Variants in KCP observed in about 807,000 individuals in gnomAD.
The protein encoded by KCP is kielin/chordin-like protein.
KCP carries 194 observed loss-of-function variants against 212.7 expected under a neutral mutation model. The observed-to-expected ratio is 0.91, with a 90% CI of 0.81 to 1.03. The LOEUF (loss-of-function observed/expected upper bound fraction) is 1.03. Ranked by LOEUF, KCP falls within the 50% of genes least tolerant of loss-of-function variation. The pLI, the probability that KCP is intolerant of heterozygous loss-of-function variation, is 0.00. For missense variants in KCP, 2,080 were observed against 2,162.5 expected (o/e 0.96, Z 0.76); for synonymous variants, 833 against 865.3 (o/e 0.96, Z 0.65).
chr7:128,889,248 TA>T (rs1793935802), intron 21 of KCP, among the ~76,000 whole-genome samples: 1 of 152,116 alleles, frequency 6.6e-6, no homozygotes, highest in East Asian at 1.9e-4. Context: ...TTCTCCCCTT[TA>T]TCCTGCAAAA....
chr7:128,907,457 G>A lies in KCP; in HGVS notation c.220-4C>T, dbSNP rs758400383. ...CCCTCGTCTGCAGGTCCTTATTCTG[G>A]AGGAAGGAGATGGAATAGCAGGCAC... On this transcript the variant is annotated splice_region_variant and splice_polypyrimidine_tract_variant and intron_variant, in intron 2 of 39. Coordinates refer to ENST00000610776, the MANE Select transcript of KCP (RefSeq NM_001366122.1). 1 of 1,471,798 alleles carries A rather than the reference G, an allele frequency of 6.8e-7. No individual in the cohort carries two copies. Among genetic ancestry groups the A allele is most frequent in the Non-Finnish European group, 9.1e-7 (1 of 1,102,292 alleles). 91.2% of individuals were successfully genotyped at this position (1,471,798 alleles called of 1,614,324 possible). A position where few individuals can be genotyped will look rare whatever the true frequency, so the allele number is the denominator to read the frequency against.
intron 34 of KCP, 56 bp downstream of exon 34, chr7:128,880,330 C>A (rs769462758): frequency 6.8e-7 from 1 of 1,465,154 alleles, no homozygotes; most frequent in Middle Eastern, 2.1e-4. Flanking sequence ...ACCAGGATGG[C>A]GGTACCATGT....
chr7:128,889,998 G>A (rs373996127), intron 21 of KCP: 4 of 232,790 alleles, frequency 1.7e-5, no homozygotes, highest in South Asian at 1.2e-4. Flanking sequence ...GTGAAAACAC[G>A]GTTCACTGTA....
At chr7:128,904,679 T>C (rs80140779) in intron 5 of KCP, among the ~76,000 whole-genome samples, 3,791 of 152,266 alleles carry the variant, frequency 0.025, 72 homozygotes, top group African/African-American at 0.051. Context: ...CTGGATGCCA[T>C]GTTTCCCCAA....
Position 128,887,254 on chromosome 7 carries a change from A to G in KCP, c.2559T>C (p.Pro853=), listed in dbSNP as rs1189314430. 1 of 1,551,330 alleles carries G rather than the reference A, an allele frequency of 6.4e-7. No individual in the cohort carries two copies. Among genetic ancestry groups the G allele is most frequent in the East Asian group, 2.4e-5 (1 of 40,930 alleles). The change falls in exon 23 of 40, where the codon CCT becomes CCC. Residue 853 remains proline (P), a synonymous_variant. Coordinates refer to ENST00000610776, the MANE Select transcript of KCP (RefSeq NM_001366122.1). ...GVTTASGETL[P]DPLDPTCSLC... The stretch of plus-strand genomic sequence containing the variant: ...GGGAGCAGGTAGGGTCAAGTGGGTC[A>G]GGAAGGGTCTCTCCGGAGGCAGTAG...
intron 22 of KCP, among the ~76,000 whole-genome samples, chr7:128,887,617 C>A (rs1793746784): frequency 6.8e-6 from 1 of 147,772 alleles, no homozygotes; most frequent in Non-Finnish European, 1.5e-5. Context: ...CTACACCCCC[C>A]CACACACAGC....
intron 2 of KCP, among the ~76,000 whole-genome samples, chr7:128,908,197 G>GA (rs1280044394): frequency 2.2e-5 from 2 of 89,366 alleles, no homozygotes; most frequent in South Asian, 3.7e-4. Context: ...GGAAGGAAAA[G>GA]AAAGAAAAAA....
intron 2 of KCP, 95 bp from the exon 3 acceptor site, chr7:128,907,548 G>T (rs1007549761): frequency 1.1e-6 from 1 of 877,062 alleles, no homozygotes; most frequent in Non-Finnish European, 1.6e-6. Context: ...GGATGAGAAA[G>T]AAGTTCGCCA....
At position 128,887,311 on chromosome 7, in the gene KCP, G is replaced by C. The variant is rs113766394; in HGVS notation, c.2513-11C>G. 33 of 1,549,132 alleles carry C rather than the reference G, an allele frequency of 2.1e-5. No homozygotes were observed. The African/African-American group carries it at 4.5e-4, about 21-fold the overall frequency. ...CATGGTAGCGGCATCCTGGCAGAGC[G>C]GGGAGTCCAACAGAAGAGCTGCCAT... On this transcript the variant is annotated splice_polypyrimidine_tract_variant and intron_variant, in intron 22 of 39. Coordinates refer to ENST00000610776, the MANE Select transcript of KCP (RefSeq NM_001366122.1).
At position 128,877,021 on chromosome 7, in the gene KCP, C is replaced by T. The variant is rs1241799336; in HGVS notation, c.*22G>A. 1 of 1,536,552 alleles carries T rather than the reference C, an allele frequency of 6.5e-7. No individual in the cohort carries two copies. The highest frequency in any genetic ancestry group is 8.7e-7 in the Non-Finnish European group (1 of 1,143,126). On this transcript the variant is annotated 3_prime_UTR_variant, in exon 40 of 40. Coordinates refer to ENST00000610776, the MANE Select transcript of KCP (RefSeq NM_001366122.1). ...AGGGGAGACTCCTGGCCTGATGAAC[C>T]CTTATCAGGCACTGTCCTGGCTCAG...
At position 128,884,136 on chromosome 7, in the gene KCP, T is replaced by C. The variant is rs111838117; in HGVS notation, c.3124-14A>G. The C allele has an allele frequency of 0.035, 53,658 of 1,539,326 alleles. 1,112 individuals are homozygous for C. Among genetic ancestry groups the C allele is most frequent in the Non-Finnish European group, 0.037 (42,723 of 1,143,846 alleles). ...CTCAGGCTGTGGCTACAAGAATGAGTGAGCAGCGGTGGGTCCTGGGCCACA... is the reference window on the plus strand; with the variant it reads ...CTCAGGCTGTGGCTACAAGAATGAGCGAGCAGCGGTGGGTCCTGGGCCACA... On this transcript the variant is annotated splice_polypyrimidine_tract_variant and intron_variant, in intron 28 of 39. Coordinates refer to ENST00000610776, the MANE Select transcript of KCP (RefSeq NM_001366122.1).
intron 4 of KCP, among the ~76,000 whole-genome samples, chr7:128,906,711 C>T (rs928925969): frequency 6.6e-6 from 1 of 151,930 alleles, no homozygotes; most frequent in African/African-American, 2.4e-5. Flanking sequence ...AATAGGCAGG[C>T]CAGGGGGTTC....
intron 8 of KCP, among the ~76,000 whole-genome samples, chr7:128,901,931 C>T (rs1189796774): frequency 3.9e-5 from 6 of 152,200 alleles, no homozygotes; most frequent in African/African-American, 1.4e-4. Flanking sequence ...TTTTTCCCTG[C>T]TCAAATCCTA....
In KCP at chr7:128,896,099, C is replaced by T. The variant is rs115240373; in HGVS notation, c.832-1806G>A. ...GGGATGATAGTGCGGAAACCCCCGA[C>T]CCAAAGGCTAATTTTTGGTAAGTGG... On this transcript the variant is annotated intron_variant, in intron 8 of 39. Transcript: ENST00000610776. Among the ~76,000 whole-genome samples, 497 of 152,242 alleles carry T rather than the reference C, an allele frequency of 3.3e-3. 3 individuals carry two copies. The highest frequency in any genetic ancestry group is 0.011 in the African/African-American group (462 of 41,534).
chr7:128,883,945 G>T (rs1793483750), intron 29 of KCP, 57 bp downstream of exon 29: 1 of 1,509,010 alleles, frequency 6.6e-7, no homozygotes, highest in African/African-American at 1.4e-5. Flanking sequence ...AGGAAGGGCG[G>T]CAGGGGGTGG....
At chr7:128,908,340 C>G in intron 2 of KCP, 86 bp downstream of exon 2, 1 of 1,267,672 alleles carries the variant, frequency 7.9e-7, no homozygotes, top group Non-Finnish European at 1.1e-6. Context: ...ATTTTAGGCT[C>G]CCCCCTCCAA....
At position 128,891,276 on chromosome 7, in the gene KCP, G is replaced by C. The variant is rs934844819; in HGVS notation, c.1881C>G (p.Ser627Arg). 2 of 1,547,214 alleles carry C rather than the reference G, an allele frequency of 1.3e-6. No homozygotes were observed. The highest frequency in any genetic ancestry group is 1.7e-6 in the Non-Finnish European group (2 of 1,146,666). The change falls in exon 19 of 40, where the codon AGC (serine) becomes AGG (arginine). Residue 627 changes from serine (S) to arginine (R), a missense_variant and splice_region_variant. Transcript: ENST00000610776. The stretch of plus-strand genomic sequence containing the variant: ...GGCGGGCCAGGCACTGCACGTTGCC[G>C]CTCTACGGACCGACAGACGCACCAC... The part of the protein sequence containing the change: ...SDPCRLCRCL[S>R]GNVQCLARRC...
Position 128,883,129 on chromosome 7 carries a change from A to G in KCP, c.3244+873T>C, listed in dbSNP as rs552563915. Among the ~76,000 whole-genome samples, 5 of 151,652 alleles carry G rather than the reference A, an allele frequency of 3.3e-5. No individual in the cohort carries two copies. In the East Asian group the frequency reaches 9.7e-4, roughly 29 times the overall value. On this transcript the variant is annotated intron_variant, in intron 29 of 39. Coordinates refer to ENST00000610776, the MANE Select transcript of KCP (RefSeq NM_001366122.1). Reference sequence around the variant, plus strand: ...AAATAGGATTATCATTAAAAAAAAAAGTATGTTTTTTCTTTCTTTTTTTTT... The same window carrying G: ...AAATAGGATTATCATTAAAAAAAAAGGTATGTTTTTTCTTTCTTTTTTTTT...
Position 128,904,055 on chromosome 7 carries a change from C to G in KCP, c.654+1G>C. On this transcript the variant is annotated splice_donor_variant, in intron 6 of 39. Coordinates refer to ENST00000610776, the MANE Select transcript of KCP (RefSeq NM_001366122.1). LOFTEE classifies it high-confidence loss of function. ...TGGGCAGAGGGGACAGGTGGACTCA[C>G]CAGGCAGGTGCACTGTAGACAAGGG... 2 of 1,551,278 alleles carry G rather than the reference C, an allele frequency of 1.3e-6. 1 individual carries two copies. The highest frequency in any genetic ancestry group is 2.4e-5 in the South Asian group (2 of 84,034).
Sources: allele counts gnomAD v4.1 joint callset (sites outside exome capture counted in the v4.1 genomes callset), GRCh38; gene constraint gnomAD v4.1.1; transcripts MANE v1.5; gene names NCBI Gene and HGNC (gene_info 2026-07-23, HGNC 2026-07-21).